Variants in RNF220 observed in about 807,000 individuals in gnomAD.
The protein encoded by RNF220 is E3 ubiquitin-protein ligase RNF220.
RNF220 carries 7 observed loss-of-function variants against 67.1 expected under a neutral mutation model. The ratio of observed to expected loss-of-function variants is 0.10; its 90% CI spans 0.06 to 0.20. The LOEUF (loss-of-function observed/expected upper bound fraction) is 0.20. Among genes scored for constraint, RNF220 ranks in the 10% least tolerant of loss-of-function variants. RNF220 has a pLI of 1.00. For missense variants in RNF220, 565 were observed against 740.3 expected (o/e 0.76, Z 2.75); for synonymous variants, 270 against 283.2 (o/e 0.95, Z 0.47).
chr1:44,638,171 G>T (rs533730191), intron 8 of RNF220: 5 of 152,326 alleles, frequency 3.3e-5, no homozygotes, highest in Admixed American at 3.3e-4. Flanking sequence ...CTAACTCTTG[G>T]GGGGTTGGGT....
rs1484693636 is a variant in RNF220, at chr1:44,405,526, G to A, written c.-122G>A. ...GACCGTTCTCCCAAGGAATTTCCAC[G>A]GCAAGTATGGAGATCAGAAAGGGGT... On this transcript the variant is annotated 5_prime_UTR_variant, in exon 1 of 15. Coordinates refer to ENST00000361799, the MANE Select transcript of RNF220 (RefSeq NM_018150.4). 2.3e-6 allele frequency: 1 copy of A among 438,028 alleles called. No individual in the cohort carries two copies. The highest frequency in any genetic ancestry group is 4.5e-5 in the East Asian group (1 of 22,094). The allele number at this position is 438,028 out of a possible 1,614,324, so 27.1% of individuals were successfully genotyped here. A position where few individuals can be genotyped will look rare whatever the true frequency, so the allele number is the denominator to read the frequency against.
At chr1:44,413,922 G>A (rs1247659990) in intron 2 of RNF220, among the ~76,000 whole-genome samples, 1 of 152,208 alleles carries the variant, frequency 6.6e-6, no homozygotes, top group Admixed American at 6.5e-5. Flanking sequence ...TGCGCTAAAA[G>A]GCATCTGCCT....
rs112706024 is a variant in RNF220, at chr1:44,649,688, G to A, written c.1473G>A (p.Thr491=). 6,832 of 1,614,010 alleles carry A rather than the reference G, an allele frequency of 4.2e-3. 23 individuals carry two copies. The highest frequency in any genetic ancestry group is 5.4e-3 in the Non-Finnish European group (6,330 of 1,179,952). ...EKITEDSAVT[T]FEALKARVRE... is the part of the protein sequence containing the mutation. ...TCACCGAAGATTCAGCTGTGACCAC[G>A]TTTGAGGCTCTGAAGGCTCGGGTCA... The change falls in exon 13 of 15, where the codon ACG becomes ACA. Residue 491 remains threonine, a synonymous_variant. Coordinates refer to ENST00000361799, the MANE Select transcript of RNF220 (RefSeq NM_018150.4). The surrounding 1 kb of genome is among the most constrained non-coding windows in gnomAD (Gnocchi z 5.9).
At chr1:44,548,973 G>A (rs1429996989) in intron 2 of RNF220, among the ~76,000 whole-genome samples, 3 of 152,190 alleles carry the variant, frequency 2.0e-5, no homozygotes, top group African/African-American at 7.2e-5. Flanking sequence ...GCCAAGGCGG[G>A]CAGATCAGTT....
chr1:44,557,446 A>G (rs1663204321), intron 2 of RNF220, among the ~76,000 whole-genome samples: 2 of 151,592 alleles, frequency 1.3e-5, no homozygotes, highest in Admixed American at 1.3e-4. Context: ...GAGGGAGGGA[A>G]AGAAGGAAGG....
intron 2 of RNF220, among the ~76,000 whole-genome samples, chr1:44,585,341 A>G (rs982062687): frequency 6.6e-6 from 1 of 152,086 alleles, no homozygotes; most frequent in Non-Finnish European, 1.5e-5. Context: ...ACTCTCTTTC[A>G]TACACCAAAA....
Position 44,506,418 on chromosome 1 carries a change from C to T in RNF220, c.625+93696C>T, listed in dbSNP as rs1557992611. On this transcript the variant is annotated intron_variant, in intron 2 of 14. Transcript: ENST00000361799. ...GGCCACTGGCACTGGCCGCCATGTG[C>T]CATACACATATTTCCCTTGTCTGCA... 2.0e-5 allele frequency among the ~76,000 whole-genome samples: 3 copies of T among 152,268 alleles called. No homozygotes were observed. In the East Asian group the frequency reaches 5.8e-4, roughly 29 times the overall value.
chr1:44,422,230 T>C (rs1649301296), intron 2 of RNF220, among the ~76,000 whole-genome samples: 2 of 152,194 alleles, frequency 1.3e-5, no homozygotes, highest in African/African-American at 4.8e-5. Flanking sequence ...GAGCGGAGTC[T>C]GAGAGGTCGC....
rs369203342 is a variant in RNF220, at chr1:44,535,502, A to C, written c.626-78663A>C. On this transcript the variant is annotated intron_variant, in intron 2 of 14. Coordinates refer to ENST00000361799, the MANE Select transcript of RNF220 (RefSeq NM_018150.4). ...ACTGATGTTCCTTGCCTTGTTTACT[A>C]TTAGGGTTCTTTGAGAGGAGCCCAG... 4.6e-5 allele frequency among the ~76,000 whole-genome samples: 7 copies of C among 152,244 alleles called. 1 individual carries two copies. In the South Asian group the frequency reaches 8.3e-4, roughly 18 times the overall value.
At chr1:44,406,681 C>T (rs1226801261) in intron 1 of RNF220, among the ~76,000 whole-genome samples, 2 of 152,090 alleles carry the variant, frequency 1.3e-5, no homozygotes, top group Non-Finnish European at 2.9e-5. Flanking sequence ...CCGGCCTCCC[C>T]CACCCCACCC....
chr1:44,457,445 A>G (rs1653305651), intron 2 of RNF220, among the ~76,000 whole-genome samples: 1 of 152,210 alleles, frequency 6.6e-6, no homozygotes, highest in Non-Finnish European at 1.5e-5. Flanking sequence ...AGAAAATGAC[A>G]CAGAGATACT....
At chr1:44,505,052 T>A (rs1260825562) in intron 2 of RNF220, among the ~76,000 whole-genome samples, 2 of 152,194 alleles carry the variant, frequency 1.3e-5, no homozygotes, top group South Asian at 2.1e-4. Flanking sequence ...TGCTCCTCAT[T>A]TATCGTTACA....
chr1:44,617,818 C>G (rs1272809533), intron 3 of RNF220, among the ~76,000 whole-genome samples: 1 of 152,182 alleles, frequency 6.6e-6, no homozygotes, highest in Non-Finnish European at 1.5e-5. Context: ...CAGGGCAGTT[C>G]CATCCACCAA....
chr1:44,473,496 C>T (rs1328924591), intron 2 of RNF220, among the ~76,000 whole-genome samples: 1 of 57,560 alleles, frequency 1.7e-5, no homozygotes, highest in Non-Finnish European at 3.3e-5. Context: ...ATGGCGGGGG[C>T]GGGGGGCGGG....
intron 8 of RNF220, among the ~76,000 whole-genome samples, chr1:44,640,387 T>C (rs368247066): frequency 6.6e-6 from 1 of 152,226 alleles, no homozygotes; most frequent in South Asian, 2.1e-4. Context: ...CCATCTTTAG[T>C]TCTCTCTGTC....
intron 2 of RNF220, among the ~76,000 whole-genome samples, chr1:44,555,766 C>T (rs1177406749): frequency 2.0e-5 from 3 of 150,610 alleles, no homozygotes; most frequent in South Asian, 2.1e-4. Flanking sequence ...TGAGCCACCG[C>T]GCCTGGCCTG....
intron 2 of RNF220, among the ~76,000 whole-genome samples, chr1:44,504,103 C>G (rs1339386990): frequency 6.6e-6 from 1 of 152,152 alleles, no homozygotes; most frequent in Admixed American, 6.5e-5. Context: ...CTGCCTCAGC[C>G]TCCCAAAGTA....
chr1:44,555,803 T>A (rs1558039694), intron 2 of RNF220, among the ~76,000 whole-genome samples: 1 of 150,634 alleles, frequency 6.6e-6, no homozygotes, highest in Admixed American at 6.6e-5. Context: ...TTTACCTCTG[T>A]GACTGGGCAT....
intron 2 of RNF220, among the ~76,000 whole-genome samples, chr1:44,511,906 C>CGTGTGTGCGTGTGTGTGT (rs1553234619): frequency 1.2e-5 from 1 of 80,022 alleles, no homozygotes; most frequent in African/African-American, 4.9e-5. Flanking sequence ...AATTGAGAAG[C>CGTGTGTGCGTGTGTGTGT]GTGTGTGTGC....
Sources: allele counts gnomAD v4.1 joint callset (sites outside exome capture counted in the v4.1 genomes callset), GRCh38; gene constraint gnomAD v4.1.1; non-coding constraint Gnocchi (gnomAD v3.1); transcripts MANE v1.5; gene names NCBI Gene and HGNC (gene_info 2026-07-23, HGNC 2026-07-21).